LRPPRC: variants seen among roughly 807,000 people sequenced by gnomAD.
LRPPRC encodes leucine-rich PPR motif-containing protein, mitochondrial.
Under a neutral mutation model 180.3 loss-of-function variants are expected in LRPPRC, and 120 were observed. That is an observed-to-expected ratio of 0.67 (90% CI 0.57 to 0.77). The LOEUF is 0.77. Among genes scored for constraint, LRPPRC ranks in the 30% least tolerant of loss-of-function variants. The pLI is 0.00. For synonymous variants in LRPPRC, 723 were observed against 600.0 expected (o/e 1.21, Z -3.00); for missense variants, 2,012 against 1,657.2 (o/e 1.21, Z -3.72).
At chr2:43,966,014 C>T (rs1673540141) in intron 11 of LRPPRC, among the ~76,000 whole-genome samples, 1 of 152,172 alleles carries the variant, frequency 6.6e-6, no homozygotes. Context: ...CTTGAAGAAA[C>T]ATTTGTTCAT....
intron 1 of LRPPRC, among the ~76,000 whole-genome samples, chr2:43,994,873 C>T (rs1674953079): frequency 6.6e-6 from 1 of 152,220 alleles, no homozygotes; most frequent in South Asian, 2.1e-4. Flanking sequence ...GCCTATCTGA[C>T]ACCCACTTAG....
chr2:43,994,298 T>G (rs11686591), intron 1 of LRPPRC, among the ~76,000 whole-genome samples: 1 of 151,976 alleles, frequency 6.6e-6, no homozygotes, highest in Admixed American at 6.6e-5. Flanking sequence ...ATAACTAAGT[T>G]GTTAAGAAAT....
Position 43,960,473 on chromosome 2 carries a change from C to A in LRPPRC, c.1582+68G>T, listed in dbSNP as rs1455283879. ...TTCCTTGCTTTCATTGCGTGAACCACCCTGCATGCCCTCAATAGTAACTGA... is the reference window on the plus strand; with the variant it reads ...TTCCTTGCTTTCATTGCGTGAACCAACCTGCATGCCCTCAATAGTAACTGA... On this transcript the variant is annotated intron_variant, in intron 13 of 37. Coordinates refer to ENST00000260665, the MANE Select transcript of LRPPRC (RefSeq NM_133259.4). 8 of 874,302 alleles carry A rather than the reference C, an allele frequency of 9.2e-6. No homozygotes were observed. In the African/African-American group the frequency reaches 1.3e-4, roughly 14 times the overall value. The allele number at this position is 874,302 out of a possible 1,614,324, so 54.2% of individuals were successfully genotyped here.
intron 11 of LRPPRC, among the ~76,000 whole-genome samples, chr2:43,966,331 A>G (rs1673556043): frequency 6.6e-6 from 1 of 151,978 alleles, no homozygotes; most frequent in African/African-American, 2.4e-5. Flanking sequence ...ATTTTCAGTT[A>G]TACGGTAAAT....
In LRPPRC at chr2:43,887,639, C is replaced by T. The variant is rs1033730223; in HGVS notation, c.*961G>A. The T allele has an allele frequency of 1.3e-5, 2 of 152,138 alleles. No homozygotes were observed. Among genetic ancestry groups the T allele is most frequent in the African/African-American group, 4.8e-5 (2 of 41,426 alleles). The allele number at this position is 152,138 out of a possible 1,614,324, so 9.4% of individuals were successfully genotyped here. A position where few individuals can be genotyped will look rare whatever the true frequency, so the allele number is the denominator to read the frequency against. On this transcript the variant is annotated 3_prime_UTR_variant, in exon 38 of 38. Coordinates refer to ENST00000260665, the MANE Select transcript of LRPPRC (RefSeq NM_133259.4). ...CCTCATCTCCAGTTAGGTCAATATT[C>T]CATATTATTAAGACACCTTTTATAA... is the stretch of plus-strand genomic sequence containing the variant.
chr2:43,952,115 C>G (rs559621296), intron 14 of LRPPRC, among the ~76,000 whole-genome samples: 2 of 152,230 alleles, frequency 1.3e-5, no homozygotes, highest in Non-Finnish European at 2.9e-5. Context: ...ATCGCTTGAA[C>G]CCGGGAGGCG....
intron 27 of LRPPRC, among the ~76,000 whole-genome samples, chr2:43,920,020 T>TA (rs1316594706): frequency 1.4e-4 from 12 of 85,246 alleles, no homozygotes; most frequent in African/African-American, 5.6e-4. Flanking sequence ...CTCCTAAAAG[T>TA]AAAAAATTCA....
intron 13 of LRPPRC, among the ~76,000 whole-genome samples, chr2:43,959,899 A>G (rs532403300): frequency 6.6e-6 from 1 of 152,294 alleles, no homozygotes; most frequent in East Asian, 1.9e-4. Context: ...TAAATAAAAT[A>G]AAATAAAATA....
chr2:43,963,512 T>G (rs760336552), intron 12 of LRPPRC, 76 bp downstream of exon 12: 7 of 941,392 alleles, frequency 7.4e-6, no homozygotes, highest in Non-Finnish European at 1.8e-6. Flanking sequence ...AATGACTTTT[T>G]TGTGTGTCAA....
chr2:43,907,908 T>C (rs1671118390), intron 30 of LRPPRC, among the ~76,000 whole-genome samples: 2 of 152,188 alleles, frequency 1.3e-5, no homozygotes, highest in African/African-American at 2.4e-5. Context: ...AATGGATTAA[T>C]GGATTTTAGG....
chr2:43,922,292 T>C (rs1307145876), intron 27 of LRPPRC, among the ~76,000 whole-genome samples: 1 of 152,246 alleles, frequency 6.6e-6, no homozygotes, highest in African/African-American at 2.4e-5. Flanking sequence ...GGGTGTTGGC[T>C]GAGCTACATA....
At chr2:43,976,053 C>G in intron 6 of LRPPRC, 90 bp downstream of exon 6, 1 of 756,062 alleles carries the variant, frequency 1.3e-6, no homozygotes, top group Non-Finnish European at 2.4e-6. Flanking sequence ...AATTTAAACC[C>G]CACTTAACAA....
At chr2:43,929,542 C>T (rs755856846) in intron 25 of LRPPRC, among the ~76,000 whole-genome samples, 43 of 152,066 alleles carry the variant, frequency 2.8e-4, no homozygotes, top group Non-Finnish European at 4.7e-4. Flanking sequence ...TATTTCTAGG[C>T]TATGCAGTTC....
chr2:43,955,610 T>C (rs1320907333), intron 14 of LRPPRC, among the ~76,000 whole-genome samples: 4 of 152,056 alleles, frequency 2.6e-5, no homozygotes, highest in African/African-American at 7.2e-5. Flanking sequence ...CATGGTGGCA[T>C]GCGCCCATAG....
rs957028189 is a variant in LRPPRC at position 43,887,768 on chromosome 2, C to CAA, written c.*830_*831dup. The CAA allele has an allele frequency of 4.0e-4, 61 of 152,228 alleles. No homozygotes were observed. The highest frequency in any genetic ancestry group is 1.4e-3 in the African/African-American group (60 of 41,550). 9.4% of individuals were successfully genotyped at this position (152,228 alleles called of 1,614,324 possible). ...TTCAATATAGGGATCACTTTTATTT[C>CAA]AAACAATTAAATACAAACCAATATT... On this transcript the variant is annotated 3_prime_UTR_variant, in exon 38 of 38. Coordinates refer to ENST00000260665, the MANE Select transcript of LRPPRC (RefSeq NM_133259.4).
chr2:43,959,076 A>G (rs1673233250), intron 13 of LRPPRC: 4 of 596,236 alleles, frequency 6.7e-6, no homozygotes, highest in Middle Eastern at 2.6e-4. Flanking sequence ...CCTTAGCAAC[A>G]AACAAGCCTG....
rs148575027 is a variant in LRPPRC, at chr2:43,947,768, T to C, written c.1928A>G (p.His643Arg). 1,049 of 1,588,248 alleles carry C rather than the reference T, an allele frequency of 6.6e-4. 2 individuals carry two copies. In the Middle Eastern group the frequency reaches 9.3e-3, roughly 14 times the overall value. Residue 643 changes from histidine (H) to arginine (R), a missense_variant, in exon 19 of 38, where the codon CAC (histidine) becomes CGC (arginine). Physicochemically the swap from His to Arg is conservative, Grantham distance 29 (BLOSUM62 0). Coordinates refer to ENST00000260665, the MANE Select transcript of LRPPRC (RefSeq NM_133259.4). ...TAAATTCTTACTCTCAACCAACAAG[T>C]GAGCATCCTAAAATTGAAATTTAAA... ...YHVPELIKDA[H>R]LLVESKNLDF...
chr2:43,949,402 T>C (rs1046210695), intron 16 of LRPPRC, among the ~76,000 whole-genome samples, 200 bp downstream of exon 16: 3 of 152,174 alleles, frequency 2.0e-5, no homozygotes, highest in Admixed American at 6.5e-5. Context: ...CTCCCAACCC[T>C]GTCTTTAGAA....
chr2:43,945,128 G>C (rs1672630379), intron 22 of LRPPRC, among the ~76,000 whole-genome samples: 1 of 152,126 alleles, frequency 6.6e-6, no homozygotes, highest in African/African-American at 2.4e-5. Context: ...GCACTGAGCT[G>C]TGCAAATGTA....
Sources: gnomAD v4.1 joint callset for allele counts (sites outside exome capture counted in the v4.1 genomes callset) on GRCh38, gnomAD v4.1.1 for gene constraint, MANE v1.5 for transcripts, NCBI Gene and HGNC (gene_info 2026-07-23, HGNC 2026-07-21) for gene names.